GPR161: variants seen among roughly 807,000 people sequenced by gnomAD.
GPR161 encodes the protein G protein-coupled receptor 161, also known as G-protein coupled receptor RE2.
In GPR161, 25 loss-of-function variants were observed where a neutral mutation model predicts 39.2. The ratio of observed to expected loss-of-function variants is 0.64; its 90% CI spans 0.47 to 0.89. GPR161 has a LOEUF of 0.89. Among genes scored for constraint, GPR161 ranks in the 40% least tolerant of loss-of-function variants. The probability of loss-of-function intolerance (pLI) is 0.00; values close to 1 mark genes in which losing one functional copy is unlikely to be tolerated. For missense variants in GPR161, 547 were observed against 677.8 expected (o/e 0.81, Z 2.14); for synonymous variants, 286 against 276.6 (o/e 1.03, Z -0.34).
chr1:168,131,850 C>T (rs1281810170), intron 1 of GPR161, among the ~76,000 whole-genome samples: 2 of 152,118 alleles, frequency 1.3e-5, no homozygotes, highest in African/African-American at 2.4e-5. Context: ...AAGAGCCTCA[C>T]AAATTGATGA....
chr1:168,096,329 C>T (rs1695534242), intron 3 of GPR161, among the ~76,000 whole-genome samples, 179 bp downstream of exon 3: 2 of 152,046 alleles, frequency 1.3e-5, no homozygotes, highest in South Asian at 4.1e-4. Flanking sequence ...TACTGAGTGA[C>T]AGGAAGCTCC....
In GPR161 at chr1:168,085,708, C is replaced by T. The variant is rs112752784; in HGVS notation, c.1413G>A (p.Glu471=). Residue 471 remains glutamate (E), a synonymous_variant, in exon 6 of 6, where the codon GAG becomes GAA. Coordinates refer to ENST00000682931, the MANE Select transcript of GPR161 (RefSeq NM_001375883.1). ...SYAASLAKAI[E]AEAKINLFGE... Reference sequence around the variant, plus strand: ...CAAATAAGTTGATTTTGGCTTCGGCCTCAATGGCTTTGGCCAAGCTTGCTG... The same window carrying T: ...CAAATAAGTTGATTTTGGCTTCGGCTTCAATGGCTTTGGCCAAGCTTGCTG... 9.7e-4 allele frequency: 1,565 copies of T among 1,614,244 alleles called. 11 individuals carry two copies. The African/African-American group carries it at 0.018, about 18-fold the overall frequency.
intron 1 of GPR161, among the ~76,000 whole-genome samples, chr1:168,132,910 A>G (rs1393213827): frequency 6.6e-6 from 1 of 151,984 alleles, no homozygotes; most frequent in Non-Finnish European, 1.5e-5. Context: ...ATGCCCGGCT[A>G]ATTTTTGTAT....
intron 1 of GPR161, among the ~76,000 whole-genome samples, chr1:168,125,564 A>G (rs377682951): frequency 6.6e-6 from 1 of 152,114 alleles, no homozygotes; most frequent in African/African-American, 2.4e-5. Flanking sequence ...GTCAGTGCAG[A>G]AGATATTTGC....
intron 1 of GPR161, among the ~76,000 whole-genome samples, chr1:168,116,494 G>A (rs1697642849): frequency 6.6e-6 from 1 of 152,174 alleles, no homozygotes; most frequent in Non-Finnish European, 1.5e-5. Context: ...GTAGGGTTGG[G>A]AAGAAGGATC....
intron 1 of GPR161, among the ~76,000 whole-genome samples, chr1:168,125,154 G>A (rs984583711): frequency 1.2e-4 from 18 of 152,154 alleles, no homozygotes; most frequent in African/African-American, 3.6e-4. Context: ...ATACTTATCT[G>A]CAGTTTCCCT....
chr1:168,125,912 G>A (rs140512188), intron 1 of GPR161, among the ~76,000 whole-genome samples: 22 of 152,150 alleles, frequency 1.4e-4, no homozygotes, highest in Non-Finnish European at 2.5e-4. Flanking sequence ...CACCGCACCC[G>A]GCCCTATTTT....
Position 168,085,746 on chromosome 1 carries a change from A to T in GPR161, c.1375T>A (p.Leu459Met). ...GCCAAGCTTGCTGCGTAACTGTCCAAGGACTTGTGTACTTCAGCTTTCACA... is the reference window on the plus strand; with the variant it reads ...GCCAAGCTTGCTGCGTAACTGTCCATGGACTTGTGTACTTCAGCTTTCACA... ...LHVKAEVHKSLDSYAASLAKA... is the reference protein window; with the variant it reads ...LHVKAEVHKSMDSYAASLAKA... The change falls in exon 6 of 6, where the codon TTG becomes ATG. Residue 459 changes from leucine to methionine, a missense_variant. Physicochemically the swap from Leu to Met is conservative, Grantham distance 15 (BLOSUM62 2). Transcript: ENST00000682931. The T allele has an allele frequency of 6.2e-7, 1 of 1,614,206 alleles. No homozygotes were observed. The highest frequency in any genetic ancestry group is 8.5e-7 in the Non-Finnish European group (1 of 1,180,004).
chr1:168,110,710 A>C (rs999036300), intron 1 of GPR161, among the ~76,000 whole-genome samples: 3 of 151,928 alleles, frequency 2.0e-5, no homozygotes, highest in African/African-American at 7.3e-5. Context: ...GATCACCTGA[A>C]GTCAGGAGTT....
chr1:168,108,642 ATTTC>A (rs1558117374), intron 1 of GPR161, among the ~76,000 whole-genome samples: 1 of 151,826 alleles, frequency 6.6e-6, no homozygotes, highest in East Asian at 1.9e-4. Flanking sequence ...AAATTTCTCT[ATTTC>A]TTTATAGTTT....
intron 1 of GPR161, among the ~76,000 whole-genome samples, chr1:168,119,705 C>A (rs865895077): frequency 3.3e-5 from 5 of 152,134 alleles, no homozygotes; most frequent in African/African-American, 9.7e-5. Context: ...GTAATCCCCA[C>A]ATGTCAAGGG....
At chr1:168,127,095 A>C (rs984456059) in intron 1 of GPR161, among the ~76,000 whole-genome samples, 1 of 152,240 alleles carries the variant, frequency 6.6e-6, no homozygotes, top group African/African-American at 2.4e-5. Flanking sequence ...TAAAAGTACG[A>C]GCAAAAAGGT....
rs753822928 is a variant in GPR161 at position 168,096,992 on chromosome 1, C to T, written c.615G>A (p.Leu205=). The T allele has an allele frequency of 5.0e-6, 8 of 1,614,154 alleles. No homozygotes were observed. The highest frequency in any genetic ancestry group is 1.7e-6 in the Non-Finnish European group (2 of 1,180,044). ...CGCGGAAGATGAAGCCATAGCACAC[C>T]AGCATGACCAGAAAGGGGAAGAGGG... The part of the protein sequence containing the change: ...WCALFPFLVM[L]VCYGFIFRVA... Residue 205 remains leucine (L), a synonymous_variant, in exon 3 of 6, where the codon CTG becomes CTA. Coordinates refer to ENST00000682931, the MANE Select transcript of GPR161 (RefSeq NM_001375883.1).
chr1:168,105,734 G>T (rs952956152), intron 1 of GPR161, among the ~76,000 whole-genome samples: 1 of 152,178 alleles, frequency 6.6e-6, no homozygotes, highest in African/African-American at 2.4e-5. Flanking sequence ...TGGGATCTTG[G>T]CTAAAGCCGC....
At chr1:168,090,806 G>A in intron 3 of GPR161, 138 bp from the exon 4 acceptor site, 1 of 542,572 alleles carries the variant, frequency 1.8e-6, no homozygotes, top group Non-Finnish European at 3.3e-6. Context: ...AAAGACAGGA[G>A]AGCTTAGCTG....
chr1:168,096,176 C>CT (rs1415492427), intron 3 of GPR161, among the ~76,000 whole-genome samples: 1 of 138,354 alleles, frequency 7.2e-6, no homozygotes, highest in Non-Finnish European at 1.6e-5. Flanking sequence ...AGAGAACTAA[C>CT]TATACACACT....
chr1:168,099,289 C>T (rs1695859330), intron 2 of GPR161, among the ~76,000 whole-genome samples: 1 of 152,176 alleles, frequency 6.6e-6, no homozygotes, highest in Admixed American at 6.5e-5. Context: ...TGCTAGGGGA[C>T]TGCAGGGAGG....
At chr1:168,095,205 T>A (rs1004033702) in intron 3 of GPR161, among the ~76,000 whole-genome samples, 10 of 152,216 alleles carry the variant, frequency 6.6e-5, no homozygotes, top group African/African-American at 2.4e-4. Context: ...AAGCTGTCAA[T>A]GTCATAAAAG....
upstream of GPR161, chr1:168,137,075 C>A: frequency 9.9e-7 from 1 of 1,008,670 alleles, no homozygotes; most frequent in Non-Finnish European, 1.2e-6. Context: ...GCGCCCCTTC[C>A]TTCGCGTCCG....
Sources: allele counts gnomAD v4.1 joint callset (sites outside exome capture counted in the v4.1 genomes callset), GRCh38; gene constraint gnomAD v4.1.1; transcripts MANE v1.5; gene names NCBI Gene and HGNC (gene_info 2026-07-23, HGNC 2026-07-21).